FRMPD4: variants seen among roughly 807,000 people sequenced by gnomAD.
FRMPD4 encodes FERM and PDZ domain-containing protein 4.
Under a neutral mutation model 94.1 loss-of-function variants are expected in FRMPD4, and 22 were observed. That is an observed-to-expected ratio of 0.23 (90% CI 0.17 to 0.33). The LOEUF (loss-of-function observed/expected upper bound fraction) is 0.33, where lower values mean the gene tolerates loss of function less well. Among genes scored for constraint, FRMPD4 ranks in the 10% least tolerant of loss-of-function variants. The pLI, the probability that FRMPD4 is intolerant of heterozygous loss-of-function variation, is 1.00. For synonymous variants in FRMPD4, 631 were observed against 548.6 expected, an observed-to-expected ratio of 1.15 and a Z score of -2.10; for missense variants, 1,111 against 1,339.9, an observed-to-expected ratio of 0.83 and a Z score of 2.67.
In FRMPD4 at chrX:12,425,730, T is replaced by G. The variant is rs2056938061; in HGVS notation, c.42-72950T>G. Among the ~76,000 whole-genome samples, 3 of 111,950 alleles carry G rather than the reference T, an allele frequency of 2.7e-5. No homozygotes were observed. The South Asian group carries it at 1.1e-3, about 42-fold the overall frequency. On this transcript the variant is annotated intron_variant, in intron 1 of 16. Transcript: ENST00000675598. Reference sequence around the variant, plus strand: ...CTCCCCGCAAGAAAGAATGATCCAGTCCTAAATTTCTAGAGTGAGAAGGTC... The same window carrying G: ...CTCCCCGCAAGAAAGAATGATCCAGGCCTAAATTTCTAGAGTGAGAAGGTC...
intron 3 of FRMPD4, among the ~76,000 whole-genome samples, chrX:12,061,888 T>C (rs1156374279): frequency 9.0e-6 from 1 of 111,579 alleles, no homozygotes; most frequent in East Asian, 2.8e-4. Context: ...TTAGGGAGAT[T>C]TCACTAAAAT....
Position 12,529,208 on chromosome X carries a change from G to A in FRMPD4, c.158+30412G>A, listed in dbSNP as rs1409788770. ...ACTGGCAGGATTAGGTTTCTCCAAG[G>A]TCGTTGGACTAAGGGTCTCAGTTCC... On this transcript the variant is annotated intron_variant, in intron 2 of 16. Coordinates refer to ENST00000675598, the MANE Select transcript of FRMPD4 (RefSeq NM_001368397.1). Among the ~76,000 whole-genome samples, 6 of 112,483 alleles carry A rather than the reference G, an allele frequency of 5.3e-5. No homozygotes were observed. In the Admixed American group the frequency reaches 5.6e-4, roughly 11 times the overall value.
intron 4 of FRMPD4, among the ~76,000 whole-genome samples, chrX:12,663,982 C>T (rs2059747199): frequency 8.9e-6 from 1 of 111,956 alleles, no homozygotes. Flanking sequence ...TGGGAGTTCA[C>T]TCATGATTTG....
chrX:12,380,840 G>T (rs2056308457), intron 1 of FRMPD4, among the ~76,000 whole-genome samples: 1 of 111,950 alleles, frequency 8.9e-6, no homozygotes, highest in South Asian at 3.8e-4. Context: ...TATCAGAATG[G>T]CACAGGGAAA....
intron 9 of FRMPD4, among the ~76,000 whole-genome samples, chrX:12,697,093 T>C (rs1285105583): frequency 8.9e-6 from 1 of 112,448 alleles, no homozygotes; most frequent in Non-Finnish European, 1.9e-5. Context: ...AAAAGTCAAG[T>C]CCTGTTCAAT....
At chrX:12,092,857 T>C (rs970226499) in intron 3 of FRMPD4, among the ~76,000 whole-genome samples, 4 of 111,691 alleles carry the variant, frequency 3.6e-5, no homozygotes, top group African/African-American at 1.3e-4. Context: ...ACATGCACTC[T>C]GGAGAAAAAT....
intron 3 of FRMPD4, among the ~76,000 whole-genome samples, chrX:12,076,736 C>T (rs181906051): frequency 1.7e-4 from 19 of 110,825 alleles, no homozygotes; most frequent in African/African-American, 5.9e-4. Flanking sequence ...CATTGATGAC[C>T]TTTCCTTAGC....
At chrX:12,331,863 ATATTTATATACTATATATAAATTATATAT>A (rs2055406778) in intron 1 of FRMPD4, among the ~76,000 whole-genome samples, 8 of 31,328 alleles carry the variant, frequency 2.6e-4, no homozygotes, top group Non-Finnish European at 3.2e-4. Context: ...TAAATTATAT[ATATTTATATACTATATATAAATTATATAT>A]ATTTATATAC....
At chrX:11,845,720 T>A (rs1478495052) in intron 1 of FRMPD4, among the ~76,000 whole-genome samples, 2 of 110,928 alleles carry the variant, frequency 1.8e-5, no homozygotes, top group African/African-American at 6.6e-5. Context: ...CAAGGCTGGT[T>A]CAACATACAC....
chrX:12,362,993 A>G (rs923969762), intron 1 of FRMPD4, among the ~76,000 whole-genome samples: 61 of 112,550 alleles, frequency 5.4e-4, no homozygotes, highest in Non-Finnish European at 9.2e-4. Context: ...TGTTGGCTGC[A>G]TAAATGTCTT....
chrX:12,173,846 G>A (rs4830764), intron 1 of FRMPD4, among the ~76,000 whole-genome samples: 1 of 109,378 alleles, frequency 9.1e-6, no homozygotes, highest in African/African-American at 3.3e-5. Flanking sequence ...TCCACAGATC[G>A]TGGTGGCCCT....
chrX:12,587,175 C>T (rs2058937780), intron 2 of FRMPD4, among the ~76,000 whole-genome samples: 1 of 110,520 alleles, frequency 9.0e-6, no homozygotes, highest in Admixed American at 9.6e-5. Context: ...CAGGGTTTCA[C>T]CATATTGGCC....
chrX:12,652,406 T>A (rs938789810), intron 4 of FRMPD4, among the ~76,000 whole-genome samples: 2 of 112,229 alleles, frequency 1.8e-5, no homozygotes, highest in African/African-American at 6.5e-5. Flanking sequence ...TAATTTTAAA[T>A]GTATAATTCA....
rs192871744 is a variant in FRMPD4 at position 11,989,675 on chromosome X, T to C, written c.95+111657T>C. Among the ~76,000 whole-genome samples, 228 of 112,271 alleles carry C rather than the reference T, an allele frequency of 2.0e-3. 1 individual carries two copies. Among genetic ancestry groups the C allele is most frequent in the African/African-American group, 6.8e-3 (211 of 30,946 alleles). On this transcript the variant is annotated intron_variant, in intron 3 of 18. Transcript: ENST00000640291. ...TTGTTTTAACACAAAGGATAAATGC[T>C]TGAGGGGATGGTTACTTCATTCTCC...
chrX:11,968,776 A>G (rs1293798090), intron 3 of FRMPD4, among the ~76,000 whole-genome samples: 1 of 112,086 alleles, frequency 8.9e-6, no homozygotes, highest in Non-Finnish European at 1.9e-5. Context: ...TGTCTGCCAT[A>G]CAGGGTCATT....
At chrX:12,598,518 A>G (rs1405331530) in intron 2 of FRMPD4, among the ~76,000 whole-genome samples, 1 of 111,846 alleles carries the variant, frequency 8.9e-6, no homozygotes, top group Non-Finnish European at 1.9e-5. Flanking sequence ...GAACACAAGG[A>G]TCCCATGTGA....
intron 1 of FRMPD4, among the ~76,000 whole-genome samples, chrX:12,183,024 C>T (rs1051898755): frequency 1.8e-5 from 2 of 111,154 alleles, no homozygotes; most frequent in Non-Finnish European, 3.8e-5. Flanking sequence ...TTTGAAGTCT[C>T]GTCCTGCTGC....
At chrX:12,171,036 G>A (rs1231450060) in intron 1 of FRMPD4, among the ~76,000 whole-genome samples, 1 of 113,367 alleles carries the variant, frequency 8.8e-6, no homozygotes, top group Non-Finnish European at 1.9e-5. Context: ...AAGCATCTGA[G>A]GGTCTGTTAA....
chrX:11,992,130 C>G (rs778528895), intron 3 of FRMPD4, among the ~76,000 whole-genome samples: 18 of 80,455 alleles, frequency 2.2e-4, no homozygotes, highest in Non-Finnish European at 2.9e-4. Flanking sequence ...ACGCAGGCAC[C>G]TAATTAAAAG....
Sources: gnomAD v4.1 joint callset for allele counts (sites outside exome capture counted in the v4.1 genomes callset) on GRCh38, gnomAD v4.1.1 for gene constraint, MANE v1.5 for transcripts, NCBI Gene and HGNC (gene_info 2026-07-23, HGNC 2026-07-21) for gene names.